VPS36: variants seen among roughly 807,000 people sequenced by gnomAD.
VPS36 encodes vacuolar protein-sorting-associated protein 36.
VPS36 carries 31 observed loss-of-function variants against 63.5 expected under a neutral mutation model. That is an observed-to-expected ratio of 0.49 (90% confidence interval 0.37 to 0.66). The LOEUF (loss-of-function observed/expected upper bound fraction) is 0.66, where lower values mean the gene tolerates loss of function less well. VPS36 is among the 30% of genes least tolerant of loss of function. The probability of loss-of-function intolerance (pLI) is 0.00; values close to 1 mark genes in which losing one functional copy is unlikely to be tolerated. For missense variants in VPS36, 338 were observed against 463.7 expected (o/e 0.73, Z 2.49); for synonymous variants, 138 against 157.2 (o/e 0.88, Z 0.91).
chr13:52,430,461 T>G (rs962877566), intron 6 of VPS36, among the ~76,000 whole-genome samples: 1 of 151,954 alleles, frequency 6.6e-6, no homozygotes, highest in Admixed American at 6.6e-5. Flanking sequence ...TGAAACCCCA[T>G]CTCTACTAAA....
Position 52,413,325 on chromosome 13 carries a change from T to G in VPS36, c.*2505A>C, listed in dbSNP as rs1482221145. 1.3e-5 allele frequency: 2 copies of G among 152,182 alleles called. No homozygotes were observed. The highest frequency in any genetic ancestry group is 4.8e-5 in the African/African-American group (2 of 41,442). 9.4% of individuals were successfully genotyped at this position (152,182 alleles called of 1,614,324 possible). A position where few individuals can be genotyped will look rare whatever the true frequency, so the allele number is the denominator to read the frequency against. ...GAATTTTTTAAAAAAAGAAACCAGT[T>G]CATGACATGTCCCATTGTTTTAAGA... is the stretch of plus-strand genomic sequence containing the variant. On this transcript the variant is annotated 3_prime_UTR_variant, in exon 14 of 14. Transcript: ENST00000378060.
intron 10 of VPS36, 125 bp from the exon 11 acceptor site, chr13:52,418,181 A>G: frequency 1.2e-6 from 1 of 817,574 alleles, no homozygotes; most frequent in Non-Finnish European, 1.8e-6. Flanking sequence ...AGCAAAAAAG[A>G]TTGACAAAGG....
intron 1 of VPS36, among the ~76,000 whole-genome samples, chr13:52,446,263 C>A (rs9596653): frequency 3.0e-4 from 42 of 140,664 alleles, no homozygotes; most frequent in Non-Finnish European, 4.2e-4. Context: ...GAGATTCCGT[C>A]TGAAAAAAAA....
chr13:52,421,075 T>C (rs1005566160), intron 10 of VPS36, among the ~76,000 whole-genome samples: 1 of 152,160 alleles, frequency 6.6e-6, no homozygotes, highest in Non-Finnish European at 1.5e-5. Context: ...GAGCCAAGGT[T>C]GTGCCACTGC....
chr13:52,446,309 T>C (rs1371662745), intron 1 of VPS36, among the ~76,000 whole-genome samples: 1 of 151,508 alleles, frequency 6.6e-6, no homozygotes, highest in Non-Finnish European at 1.5e-5. Flanking sequence ...ATAGAACATA[T>C]AGTTCTGATT....
At chr13:52,422,329 T>C (rs1277421235) in intron 10 of VPS36, among the ~76,000 whole-genome samples, 2 of 152,134 alleles carry the variant, frequency 1.3e-5, no homozygotes, top group Non-Finnish European at 2.9e-5. Flanking sequence ...TCCATTTGTA[T>C]GTATCTGACA....
chr13:52,435,256 C>A (rs1958202809), intron 4 of VPS36, among the ~76,000 whole-genome samples: 1 of 152,054 alleles, frequency 6.6e-6, no homozygotes, highest in Non-Finnish European at 1.5e-5. Context: ...TAGGTGTGAG[C>A]CACCGCGCCC....
chr13:52,415,975 A>C, intron 13 of VPS36, 42 bp downstream of exon 13: 1 of 1,612,268 alleles, frequency 6.2e-7, no homozygotes, highest in Non-Finnish European at 8.5e-7. Context: ...TCATGCAGAC[A>C]CACAAACATA....
rs1256158607 is a variant in VPS36, at chr13:52,426,017, A to G, written c.689T>C (p.Val230Ala). Residue 230 changes from valine to alanine, a missense_variant, in exon 9 of 14, where the codon GTT (valine) becomes GCT (alanine). Val to Ala is a moderately conservative substitution (Grantham distance 64). Coordinates refer to ENST00000378060, the MANE Select transcript of VPS36 (RefSeq NM_016075.4). Reference sequence around the variant, plus strand: ...GCCTGAGCCGTAGGTTTCTCTGGTAACTGGGTTAGCTATTCCCATGCTCAG... The same window carrying G: ...GCCTGAGCCGTAGGTTTCTCTGGTAGCTGGGTTAGCTATTCCCATGCTCAG... ...YLLSMGIANP[V>A]TRETYGSGTQ... The G allele has an allele frequency of 6.2e-7, 1 of 1,614,060 alleles. No homozygotes were observed. The highest frequency in any genetic ancestry group is 8.5e-7 in the Non-Finnish European group (1 of 1,180,020).
intron 1 of VPS36, among the ~76,000 whole-genome samples, chr13:52,443,939 CA>C (rs1168976493): frequency 6.6e-6 from 1 of 152,134 alleles, no homozygotes; most frequent in Non-Finnish European, 1.5e-5. Flanking sequence ...GAATTTGCCA[CA>C]AGGTAGGACT....
At chr13:52,421,052 C>T (rs1958040871) in intron 10 of VPS36, among the ~76,000 whole-genome samples, 1 of 152,058 alleles carries the variant, frequency 6.6e-6, no homozygotes, top group Non-Finnish European at 1.5e-5. Context: ...ACCCGGGAGG[C>T]AGAGGTTTCA....
At chr13:52,435,751 T>A (rs1958209251) in intron 4 of VPS36, among the ~76,000 whole-genome samples, 1 of 152,174 alleles carries the variant, frequency 6.6e-6, no homozygotes, top group Non-Finnish European at 1.5e-5. Flanking sequence ...AGAAAAAAAT[T>A]AATAATAATT....
At chr13:52,429,331 C>T in intron 6 of VPS36, 1 of 982,178 alleles carries the variant, frequency 1.0e-6, no homozygotes, top group Non-Finnish European at 1.2e-6. Context: ...ATTCCATTCC[C>T]TTTTCCTGGG....
At chr13:52,433,840 G>T (rs1958184888) in intron 5 of VPS36, 92 bp from the exon 6 acceptor site, 1 of 1,103,754 alleles carries the variant, frequency 9.1e-7, no homozygotes, top group South Asian at 1.4e-5. Context: ...TCAATGGCGG[G>T]AAAGGACCTA....
chr13:52,433,019 C>T (rs1958175904), intron 6 of VPS36, among the ~76,000 whole-genome samples: 1 of 152,068 alleles, frequency 6.6e-6, no homozygotes, highest in African/African-American at 2.4e-5. Context: ...CATAAAAAAC[C>T]AAGACCATTT....
intron 2 of VPS36, among the ~76,000 whole-genome samples, chr13:52,441,613 G>A (rs533627342): frequency 8.2e-4 from 125 of 152,264 alleles, no homozygotes; most frequent in Non-Finnish European, 1.3e-3. Flanking sequence ...TTAGCCGGGC[G>A]TGGTGGCACG....
At chr13:52,416,847 T>C (rs557001923) in intron 12 of VPS36, among the ~76,000 whole-genome samples, 2 of 152,372 alleles carry the variant, frequency 1.3e-5, no homozygotes, top group South Asian at 4.1e-4. Context: ...ATGTAAGATG[T>C]TAAGAGTGTC....
At chr13:52,416,429 T>A (rs2137767748) in intron 12 of VPS36, 1 of 210,734 alleles carries the variant, frequency 4.7e-6, no homozygotes, top group African/African-American at 2.3e-5. Flanking sequence ...ATATTAACGC[T>A]CCAGCGAAGG....
Position 52,427,210 on chromosome 13 carries a change from C to A in VPS36, c.538G>T (p.Asp180Tyr). The change falls in exon 7 of 14, where the codon GAC becomes TAC. Residue 180 changes from aspartate (D) to tyrosine (Y), a missense_variant. Transcript: ENST00000378060. ...ACCTTGATCATTAGTTTGCTGAGGT[C>A]TTCAAAGGCCTGAAATGAGAAATGA... ...TDKNISEAFE[D>Y]LSKLMIKAKE... is the part of the protein sequence containing the mutation. The A allele has an allele frequency of 1.2e-6, 2 of 1,613,328 alleles. No individual in the cohort carries two copies. The highest frequency in any genetic ancestry group is 2.2e-5 in the South Asian group (2 of 90,924).
Sources: allele counts gnomAD v4.1 joint callset (sites outside exome capture counted in the v4.1 genomes callset), GRCh38; gene constraint gnomAD v4.1.1; transcripts MANE v1.5; gene names NCBI Gene and HGNC (gene_info 2026-07-23, HGNC 2026-07-21).